Variants in MAP3K15 observed in about 807,000 individuals in gnomAD.
The protein encoded by MAP3K15 is mitogen-activated protein kinase kinase kinase 15, also known as MAPK/ERK kinase kinase 15.
In MAP3K15, 124 loss-of-function variants were observed where a neutral mutation model predicts 99.5. The observed-to-expected ratio is 1.25, with a 90% CI of 1.08 to 1.45. MAP3K15 has a LOEUF of 1.45. Ranked by LOEUF, MAP3K15 falls within the 40% of genes most tolerant of loss-of-function variation. The pLI, the probability that MAP3K15 is intolerant of heterozygous loss-of-function variation, is 0.00. For synonymous variants in MAP3K15, 494 were observed against 439.6 expected, an observed-to-expected ratio of 1.12 and a Z score of -1.55; for missense variants, 1,242 against 1,079.7, an observed-to-expected ratio of 1.15 and a Z score of -2.11.
Position 19,407,242 on chromosome X carries a change from T to C in MAP3K15, c.1790A>G (p.His597Arg), listed in dbSNP as rs901111047. The change falls in exon 13 of 29, where the codon CAT becomes CGT. Residue 597 changes from histidine (H) to arginine (R), a missense_variant. His to Arg is a conservative substitution (Grantham distance 29). Coordinates refer to ENST00000338883, the MANE Select transcript of MAP3K15 (RefSeq NM_001001671.4). ...FDERCCFLYV[H>R]DNSDDFQIYF... The stretch of plus-strand genomic sequence containing the variant: ...GATTTGAAAGTCATCAGAATTATCA[T>C]GGACATAAAGAAAACAACACCTTTC... 7.5e-6 allele frequency: 9 copies of C among 1,197,954 alleles called. No homozygotes were observed. In the African/African-American group the frequency reaches 1.6e-4, roughly 21 times the overall value.
At chrX:19,427,104 G>A (rs911258398) in intron 7 of MAP3K15, among the ~76,000 whole-genome samples, 1 of 110,045 alleles carries the variant, frequency 9.1e-6, no homozygotes, top group Non-Finnish European at 1.9e-5. Context: ...CTCCCAAGCA[G>A]CTAGGACCAC....
At chrX:19,368,297 C>T (rs2147208804) in intron 25 of MAP3K15, among the ~76,000 whole-genome samples, 1 of 111,905 alleles carries the variant, frequency 8.9e-6, no homozygotes, top group Admixed American at 9.4e-5. Flanking sequence ...CGTGCGCCAC[C>T]ATACCTGGCT....
Position 19,515,007 on chromosome X carries a change from C to T in MAP3K15, c.255G>A (p.Gln85=). The T allele has an allele frequency of 9.1e-7, 1 of 1,099,865 alleles. No individual in the cohort carries two copies. Among genetic ancestry groups the T allele is most frequent in the Non-Finnish European group, 1.2e-6 (1 of 844,784 alleles). 90.6% of individuals were successfully genotyped at this position (1,099,865 alleles called of 1,213,427 possible). Reference sequence around the variant, plus strand: ...CGGCCTCGCAGGCCCGCAGCAGGCACTGCCGCGCCCCAGCCTCCGGGCCGC... The same window carrying T: ...CGGCCTCGCAGGCCCGCAGCAGGCATTGCCGCGCCCCAGCCTCCGGGCCGC... ...AAGGPEAGAR[Q]CLLRACEAEG... The change falls in exon 1 of 29, where the codon CAG becomes CAA. Residue 85 remains glutamine, a synonymous_variant. Coordinates refer to ENST00000338883, the MANE Select transcript of MAP3K15 (RefSeq NM_001001671.4).
intron 19 of MAP3K15, among the ~76,000 whole-genome samples, chrX:19,374,932 C>T (rs1228747839): frequency 1.8e-5 from 2 of 111,269 alleles, no homozygotes; most frequent in African/African-American, 3.3e-5. Context: ...CTTGTGGCTC[C>T]GCTAGTCACC....
chrX:19,500,313 A>G (rs1158221574), intron 1 of MAP3K15, among the ~76,000 whole-genome samples: 1 of 112,146 alleles, frequency 8.9e-6, no homozygotes, highest in African/African-American at 3.2e-5. Flanking sequence ...GGATAGAGGT[A>G]AAGAAGAAAT....
At chrX:19,392,152 C>T (rs1269609239) in intron 17 of MAP3K15, 45 bp from the exon 18 acceptor site, 13 of 1,101,546 alleles carry the variant, frequency 1.2e-5, no homozygotes, top group East Asian at 3.0e-5. Flanking sequence ...CAGGCTGAAA[C>T]GAACTCATAT....
intron 9 of MAP3K15, 63 bp from the exon 10 acceptor site, chrX:19,415,320 C>A: frequency 1.0e-6 from 1 of 999,048 alleles, no homozygotes; most frequent in Non-Finnish European, 1.3e-6. Flanking sequence ...ATTCAAGTCC[C>A]TTTAAAAGAA....
chrX:19,362,924 G>A (rs2063304043), intron 25 of MAP3K15, 74 bp from the exon 26 acceptor site: 1 of 570,036 alleles, frequency 1.8e-6, no homozygotes, highest in South Asian at 2.7e-5. Context: ...TCAAGCATCT[G>A]TTGTGCATAC....
chrX:19,465,514 G>A (rs2064160566), intron 3 of MAP3K15, among the ~76,000 whole-genome samples: 1 of 107,800 alleles, frequency 9.3e-6, no homozygotes, highest in African/African-American at 3.4e-5. Flanking sequence ...GGAAGGCAGA[G>A]GCGAGTGGAT....
intron 9 of MAP3K15, among the ~76,000 whole-genome samples, chrX:19,424,626 A>T (rs145021198): frequency 0.019 from 2,117 of 109,920 alleles, 65 homozygotes; most frequent in African/African-American, 0.066. Context: ...GGGCCCAGCA[A>T]TCTGTGTTTT....
intron 3 of MAP3K15, among the ~76,000 whole-genome samples, chrX:19,468,291 C>A (rs2064182752): frequency 8.9e-6 from 1 of 111,992 alleles, no homozygotes; most frequent in Non-Finnish European, 1.9e-5. Context: ...TAGGAGGAAC[C>A]TTCCTGAGGT....
At position 19,398,217 on chromosome X, in the gene MAP3K15, T is replaced by G. The variant is rs2063581722; in HGVS notation, c.2066+9A>C. On this transcript the variant is annotated intron_variant, in intron 15 of 28. Coordinates refer to ENST00000338883, the MANE Select transcript of MAP3K15 (RefSeq NM_001001671.4). Reference sequence around the variant, plus strand: ...GCACCCGAAATGCGGAAGGCCCGCCTGGACTTGCCTGCTATCTCTCTCCGG... The same window carrying G: ...GCACCCGAAATGCGGAAGGCCCGCCGGGACTTGCCTGCTATCTCTCTCCGG... 8.3e-7 allele frequency: 1 copy of G among 1,209,672 alleles called. No individual in the cohort carries two copies. Among genetic ancestry groups the G allele is most frequent in the African/African-American group, 1.7e-5 (1 of 57,186 alleles).
At chrX:19,469,526 C>A (rs1325851932) in intron 3 of MAP3K15, among the ~76,000 whole-genome samples, 1 of 110,610 alleles carries the variant, frequency 9.0e-6, no homozygotes, top group African/African-American at 3.3e-5. Context: ...AAAGCAATGG[C>A]AACAAAAGCC....
intron 6 of MAP3K15, among the ~76,000 whole-genome samples, chrX:19,443,324 C>T (rs1465143243): frequency 3.6e-5 from 4 of 111,356 alleles, no homozygotes; most frequent in Admixed American, 1.9e-4. Context: ...TGAGCCACTG[C>T]GCCCAACCCC....
At chrX:19,472,529 T>C (rs923999826) in intron 3 of MAP3K15, among the ~76,000 whole-genome samples, 1 of 111,210 alleles carries the variant, frequency 9.0e-6, no homozygotes, top group African/African-American at 3.3e-5. Context: ...AACAAGGCTA[T>C]ATTGGAATAA....
rs923395882 is a variant in MAP3K15 at position 19,409,918 on chromosome X, T to C, written c.1748+6A>G. On this transcript the variant is annotated splice_donor_region_variant and intron_variant, in intron 12 of 28. Transcript: ENST00000338883. The stretch of plus-strand genomic sequence containing the variant: ...ATAGTAACTCCATTTTCTCCTATGT[T>C]CTTACCTTATTCCCTTTATGGAAGA... The C allele has an allele frequency of 8.4e-7, 1 of 1,186,614 alleles. No individual in the cohort carries two copies.
chrX:19,504,747 T>G (rs781605275), intron 1 of MAP3K15, among the ~76,000 whole-genome samples: 2 of 111,245 alleles, frequency 1.8e-5, no homozygotes, highest in East Asian at 5.6e-4. Flanking sequence ...GTGGATCGCT[T>G]GAGCCCAGGA....
At chrX:19,464,590 G>A (rs1569233794) in intron 3 of MAP3K15, among the ~76,000 whole-genome samples, 184 bp from the exon 4 acceptor site, 1 of 111,365 alleles carries the variant, frequency 9.0e-6, no homozygotes, top group Non-Finnish European at 1.9e-5. Flanking sequence ...GCTCTACCAC[G>A]TAGATATATG....
At chrX:19,496,657 A>T (rs1200799396) in intron 1 of MAP3K15, 1 of 111,475 alleles carries the variant, frequency 9.0e-6, no homozygotes, top group Admixed American at 9.6e-5. Context: ...CTGTGACAAA[A>T]ATCACAGTAA....
Sources: gnomAD v4.1 joint callset for allele counts (sites outside exome capture counted in the v4.1 genomes callset) on GRCh38, gnomAD v4.1.1 for gene constraint, MANE v1.5 for transcripts, NCBI Gene and HGNC (gene_info 2026-07-23, HGNC 2026-07-21) for gene names.